FAM135B: variants seen among roughly 807,000 people sequenced by gnomAD.
FAM135B encodes the protein protein FAM135B.
A neutral mutation model predicts 127.7 loss-of-function variants in FAM135B; 43 were observed. The observed-to-expected ratio is 0.34, with a 90% CI of 0.26 to 0.43. The LOEUF (loss-of-function observed/expected upper bound fraction) is 0.43, where lower values mean the gene tolerates loss of function less well. Ranked by LOEUF, FAM135B falls within the 20% of genes least tolerant of loss-of-function variation. The probability of loss-of-function intolerance (pLI) is 1.00; values close to 1 mark genes in which losing one functional copy is unlikely to be tolerated. For missense variants in FAM135B, 1,558 were observed against 1,725.6 expected, an observed-to-expected ratio of 0.90 and a Z score of 1.72; for synonymous variants, 670 against 665.1, an observed-to-expected ratio of 1.01 and a Z score of -0.11.
chr8:138,377,833 T>C (rs1831582950), intron 1 of FAM135B, among the ~76,000 whole-genome samples: 1 of 152,206 alleles, frequency 6.6e-6, no homozygotes, highest in African/African-American at 2.4e-5. Flanking sequence ...TTCAGTGATG[T>C]CCTTCTCCCC....
At chr8:138,269,373 A>T (rs1180395973) in intron 3 of FAM135B, among the ~76,000 whole-genome samples, 1 of 152,174 alleles carries the variant, frequency 6.6e-6, no homozygotes, top group Non-Finnish European at 1.5e-5. Context: ...TTGTGGACTA[A>T]ACCTCAATCT....
chr8:138,377,968 C>T (rs558232716), intron 1 of FAM135B, among the ~76,000 whole-genome samples: 89 of 152,324 alleles, frequency 5.8e-4, no homozygotes, highest in African/African-American at 2.0e-3. Context: ...AAAACTGGCA[C>T]TTCTTCATTA....
intron 2 of FAM135B, among the ~76,000 whole-genome samples, chr8:138,352,951 C>A (rs1829869968): frequency 6.6e-6 from 1 of 152,152 alleles, no homozygotes; most frequent in Admixed American, 6.5e-5. Context: ...ACATAAGACA[C>A]CTCATCCAAT....
intron 2 of FAM135B, chr8:138,367,378 C>T (rs1428904364): frequency 1.3e-5 from 6 of 456,070 alleles, no homozygotes; most frequent in Admixed American, 1.2e-4. Flanking sequence ...ACTGATATCA[C>T]CTGCACGTGA....
At chr8:138,301,301 A>G (rs970576915) in intron 3 of FAM135B, among the ~76,000 whole-genome samples, 1 of 152,160 alleles carries the variant, frequency 6.6e-6, no homozygotes, top group African/African-American at 2.4e-5. Flanking sequence ...TCTATCAGAA[A>G]CCTTCTGACC....
intron 19 of FAM135B, among the ~76,000 whole-genome samples, chr8:138,136,056 G>A (rs1327054236): frequency 6.6e-6 from 1 of 151,648 alleles, no homozygotes; most frequent in Non-Finnish European, 1.5e-5. Context: ...TTTTTAATCA[G>A]AAAAAAAGAA....
intron 7 of FAM135B, among the ~76,000 whole-genome samples, chr8:138,231,803 C>T (rs534728405): frequency 5.9e-5 from 9 of 152,026 alleles, no homozygotes; most frequent in Non-Finnish European, 8.8e-5. Context: ...AATATCCAGC[C>T]GAGAGCCAAA....
At chr8:138,153,326 G>A (rs6981851) in intron 12 of FAM135B, 110 bp from the exon 13 acceptor site, 107,366 of 838,346 alleles carry the variant, frequency 0.13, 7,961 homozygotes, top group African/African-American at 0.27. Flanking sequence ...GACTCGGTTC[G>A]AAGATGGGAG....
At chr8:138,383,047 C>T (rs1184884899) in intron 1 of FAM135B, among the ~76,000 whole-genome samples, 2 of 152,160 alleles carry the variant, frequency 1.3e-5, no homozygotes, top group African/African-American at 4.8e-5. Context: ...CAACAAAGTT[C>T]ATTCATTTGA....
intron 1 of FAM135B, among the ~76,000 whole-genome samples, chr8:138,495,991 T>C (rs1307697808): frequency 1.3e-5 from 2 of 152,050 alleles, no homozygotes; most frequent in African/African-American, 4.8e-5. Context: ...AGAAATGAGG[T>C]GGGGAGAAGG....
chr8:138,143,454 G>A (rs1817388882), intron 15 of FAM135B, among the ~76,000 whole-genome samples: 2 of 152,176 alleles, frequency 1.3e-5, no homozygotes, highest in Non-Finnish European at 2.9e-5. Context: ...TGGGAGGGGA[G>A]GCCGCCTATT....
intron 7 of FAM135B, among the ~76,000 whole-genome samples, chr8:138,202,424 A>T (rs7459904): frequency 0.23 from 34,371 of 151,872 alleles, 4,360 homozygotes; most frequent in East Asian, 0.32. Flanking sequence ...TAATGTTTTA[A>T]TTTTTTTGTA....
intron 7 of FAM135B, among the ~76,000 whole-genome samples, chr8:138,226,384 G>C (rs1196034342): frequency 6.6e-6 from 1 of 152,046 alleles, no homozygotes; most frequent in Non-Finnish European, 1.5e-5. Context: ...TACAATGTAT[G>C]CTAAAGGAAC....
intron 1 of FAM135B, among the ~76,000 whole-genome samples, chr8:138,445,127 T>C (rs1287529616): frequency 1.7e-4 from 26 of 151,916 alleles, no homozygotes; most frequent in African/African-American, 5.1e-4. Context: ...TCTGAATAGA[T>C]CAATAACAGG....
chr8:138,261,273 C>G (rs574582201), intron 4 of FAM135B, among the ~76,000 whole-genome samples: 1 of 152,296 alleles, frequency 6.6e-6, no homozygotes, highest in South Asian at 2.1e-4. Context: ...ACCAAGGAAT[C>G]ACACTTTGGA....
At chr8:138,246,874 G>A (rs1218444162) in intron 6 of FAM135B, among the ~76,000 whole-genome samples, 1 of 152,226 alleles carries the variant, frequency 6.6e-6, no homozygotes, top group Non-Finnish European at 1.5e-5. Context: ...GCTACCCAAG[G>A]CCATGGGAGC....
intron 1 of FAM135B, among the ~76,000 whole-genome samples, chr8:138,484,318 G>A (rs1018693186): frequency 6.6e-6 from 1 of 152,250 alleles, no homozygotes; most frequent in African/African-American, 2.4e-5. Context: ...GTATTTTGAG[G>A]TTTTATTTGG....
intron 7 of FAM135B, among the ~76,000 whole-genome samples, chr8:138,225,700 G>A (rs888935069): frequency 2.0e-5 from 3 of 152,082 alleles, no homozygotes; most frequent in South Asian, 2.1e-4. Context: ...GTTAGGTCAG[G>A]GCAGAAGCTA....
intron 2 of FAM135B, among the ~76,000 whole-genome samples, chr8:138,343,654 A>AC (rs1829206376): frequency 6.6e-6 from 1 of 152,210 alleles, no homozygotes; most frequent in Non-Finnish European, 1.5e-5. Flanking sequence ...CCACACAAGC[A>AC]CCCCACGTTC....
Sources: allele counts gnomAD v4.1 joint callset (sites outside exome capture counted in the v4.1 genomes callset), GRCh38; gene constraint gnomAD v4.1.1; transcripts MANE v1.5; gene names NCBI Gene and HGNC (gene_info 2026-07-23, HGNC 2026-07-21).